CEP112: variants seen among roughly 807,000 people sequenced by gnomAD.
CEP112 encodes the protein centrosomal protein 112, also known as centrosomal protein of 112 kDa.
CEP112 carries 127 observed loss-of-function variants against 153.0 expected under a neutral mutation model. The ratio of observed to expected loss-of-function variants is 0.83; its 90% CI spans 0.72 to 0.96. CEP112 has a LOEUF of 0.96. Among genes scored for constraint, CEP112 ranks in the 40% least tolerant of loss-of-function variants. The probability of loss-of-function intolerance (pLI) is 0.00; values close to 1 mark genes in which losing one functional copy is unlikely to be tolerated. For synonymous variants in CEP112, 358 were observed against 374.4 expected, an observed-to-expected ratio of 0.96 and a Z score of 0.51; for missense variants, 1,089 against 1,101.2, an observed-to-expected ratio of 0.99 and a Z score of 0.16.
At chr17:65,775,684 G>A (rs1220622356) in intron 21 of CEP112, among the ~76,000 whole-genome samples, 3 of 151,868 alleles carry the variant, frequency 2.0e-5, no homozygotes, top group Non-Finnish European at 4.4e-5. Flanking sequence ...TGTATTTTTA[G>A]TAGAGATGGC....
At chr17:66,147,246 G>A (rs907387799) in intron 4 of CEP112, among the ~76,000 whole-genome samples, 13 of 151,790 alleles carry the variant, frequency 8.6e-5, no homozygotes, top group African/African-American at 2.9e-4. Flanking sequence ...TTTCCCTAAT[G>A]GTTAGTGATG....
chr17:65,638,922 A>T (rs1002576439), intron 25 of CEP112, among the ~76,000 whole-genome samples: 1 of 151,312 alleles, frequency 6.6e-6, no homozygotes, highest in Non-Finnish European at 1.5e-5. Context: ...TCCTAAAAAA[A>T]CTCCTCTGAA....
rs201860299 is a variant in CEP112, at chr17:65,913,479, C to CA, written c.1981-11146dup. The stretch of plus-strand genomic sequence containing the variant: ...CTGAACACTTTAATAGAAATAGGCA[C>CA]AAAAAAATTGTAAAAAGCAGGCAGT... On this transcript the variant is annotated intron_variant, in intron 19 of 26. Transcript: ENST00000535342. The CA allele has an allele frequency of 8.7e-4, 860 of 984,842 alleles. 7 individuals are homozygous for CA. The African/African-American group carries it at 0.014, about 16-fold the overall frequency. The allele number at this position is 984,842 out of a possible 1,614,324, so 61.0% of individuals were successfully genotyped here. A position where few individuals can be genotyped will look rare whatever the true frequency, so the allele number is the denominator to read the frequency against.
At chr17:65,715,747 G>A (rs2049470525) in intron 23 of CEP112, among the ~76,000 whole-genome samples, 3 of 152,116 alleles carry the variant, frequency 2.0e-5, no homozygotes, top group Non-Finnish European at 4.4e-5. Flanking sequence ...CACTGCGCCT[G>A]GCCAAGAAAT....
intron 21 of CEP112, among the ~76,000 whole-genome samples, chr17:65,820,745 A>C (rs554693547): frequency 2.6e-5 from 4 of 152,310 alleles, no homozygotes; most frequent in African/African-American, 9.6e-5. Context: ...GAATCCATAG[A>C]AATAACAGGC....
intron 10 of CEP112, among the ~76,000 whole-genome samples, 192 bp downstream of exon 10, chr17:66,066,580 GACACAC>G (rs3056817): frequency 6.6e-6 from 1 of 150,858 alleles, no homozygotes; most frequent in East Asian, 2.0e-4. Flanking sequence ...CACACACACA[GACACAC>G]ACACACACAC....
chr17:66,120,447 C>G (rs187178151), intron 6 of CEP112, among the ~76,000 whole-genome samples: 18 of 152,250 alleles, frequency 1.2e-4, no homozygotes, highest in African/African-American at 4.3e-4. Context: ...GTCATCAGCC[C>G]ACCTTGGCCT....
At chr17:65,671,026 A>G (rs2046956513) in intron 24 of CEP112, among the ~76,000 whole-genome samples, 1 of 152,178 alleles carries the variant, frequency 6.6e-6, no homozygotes, top group African/African-American at 2.4e-5. Flanking sequence ...GATTATACAA[A>G]GAATATAAAT....
chr17:65,827,774 G>A lies in CEP112; in HGVS notation c.2394+24030C>T, dbSNP rs7215305. ...CACACTGGCTTCCTTAAGTCCTCTA[G>A]CAATGCCAGCCATGCTCTTGCATTA... On this transcript the variant is annotated intron_variant, in intron 21 of 26. Coordinates refer to ENST00000535342, the MANE Select transcript of CEP112 (RefSeq NM_001199165.4). 7.5e-3 allele frequency among the ~76,000 whole-genome samples: 1,137 copies of A among 152,252 alleles called. 13 individuals carry two copies. The highest frequency in any genetic ancestry group is 0.026 in the African/African-American group (1,081 of 41,522).
At chr17:66,143,320 G>A (rs2070784939) in intron 4 of CEP112, among the ~76,000 whole-genome samples, 1 of 152,168 alleles carries the variant, frequency 6.6e-6, no homozygotes, top group South Asian at 2.1e-4. Flanking sequence ...TCAAATCCAA[G>A]GTTTTGCCAG....
At chr17:65,641,090 T>C in intron 24 of CEP112, 25 bp from the exon 25 acceptor site, 1 of 1,235,488 alleles carries the variant, frequency 8.1e-7, no homozygotes, top group Non-Finnish European at 1.2e-6. Context: ...AATTAAGAGT[T>C]ATCTTTTTAC....
At chr17:65,902,006 G>GGGGGAAAAAAAAAAAAAAAA in intron 20 of CEP112, 146 bp downstream of exon 20, 1 of 243,086 alleles carries the variant, frequency 4.1e-6, no homozygotes, top group Non-Finnish European at 6.9e-6. Flanking sequence ...GGGTGGGGGG[G>GGGGGAAAAAAAAAAAAAAAA]AGAAAAACAA....
intron 8 of CEP112, 147 bp from the exon 9 acceptor site, chr17:66,070,148 C>A (rs2067258962): frequency 1.2e-5 from 7 of 578,950 alleles, no homozygotes; most frequent in South Asian, 1.1e-4. Context: ...AATCACATTA[C>A]ATATACCAAT....
At chr17:65,859,159 A>G (rs930961199) in intron 20 of CEP112, among the ~76,000 whole-genome samples, 1 of 152,132 alleles carries the variant, frequency 6.6e-6, no homozygotes, top group African/African-American at 2.4e-5. Context: ...AAGAAAAAAC[A>G]TTGGCCAGGT....
At chr17:65,667,761 T>G (rs966321663) in intron 24 of CEP112, among the ~76,000 whole-genome samples, 1 of 152,152 alleles carries the variant, frequency 6.6e-6, no homozygotes, top group African/African-American at 2.4e-5. Flanking sequence ...TAAACGTAAC[T>G]TGTAGAACCA....
intron 24 of CEP112, among the ~76,000 whole-genome samples, chr17:65,649,892 A>C (rs1419143757): frequency 6.6e-6 from 1 of 152,134 alleles, no homozygotes; most frequent in Non-Finnish European, 1.5e-5. Context: ...CATTCAATAC[A>C]TTCATCTTGC....
intron 18 of CEP112, among the ~76,000 whole-genome samples, chr17:65,947,574 T>A (rs1365487270): frequency 6.6e-6 from 1 of 152,164 alleles, no homozygotes; most frequent in Non-Finnish European, 1.5e-5. Flanking sequence ...TAGTCACTGA[T>A]GAATATTAGT....
At chr17:65,749,178 C>G (rs2051656731) in intron 22 of CEP112, among the ~76,000 whole-genome samples, 1 of 152,096 alleles carries the variant, frequency 6.6e-6, no homozygotes, top group Non-Finnish European at 1.5e-5. Flanking sequence ...TGGACAAAGA[C>G]TTTTTGCTTT....
chr17:65,960,946 G>A (rs2062176259), intron 18 of CEP112, among the ~76,000 whole-genome samples: 1 of 151,770 alleles, frequency 6.6e-6, no homozygotes, highest in African/African-American at 2.4e-5. Context: ...TTTGCGATGG[G>A]TACCCAGGTG....
Sources: gnomAD v4.1 joint callset for allele counts (sites outside exome capture counted in the v4.1 genomes callset) on GRCh38, gnomAD v4.1.1 for gene constraint, MANE v1.5 for transcripts, NCBI Gene and HGNC (gene_info 2026-07-23, HGNC 2026-07-21) for gene names.